The following ADAM17 variants were observed in gnomAD, a reference collection of about 807,000 sequenced individuals.
The protein encoded by ADAM17 is ADAM metallopeptidase domain 17.
ADAM17 carries 39 observed loss-of-function variants against 96.7 expected under a neutral mutation model. That is an observed-to-expected ratio of 0.40 (90% CI 0.31 to 0.53). The LOEUF is 0.53. Among genes scored for constraint, ADAM17 ranks in the 20% least tolerant of loss-of-function variants. The probability of loss-of-function intolerance (pLI) is 0.44; values close to 1 mark genes in which losing one functional copy is unlikely to be tolerated. For missense variants in ADAM17, 777 were observed against 1,013.2 expected, an observed-to-expected ratio of 0.77 and a Z score of 3.17; for synonymous variants, 344 against 359.2, an observed-to-expected ratio of 0.96 and a Z score of 0.48.
At chr2:9,514,541 AT>A (rs1663943648) in intron 10 of ADAM17, among the ~76,000 whole-genome samples, 3 of 35,498 alleles carry the variant, frequency 8.5e-5, no homozygotes, top group East Asian at 4.0e-4. Flanking sequence ...ATATATATAT[AT>A]ATATATATAT....
At chr2:9,505,432 G>A (rs1349228417) in intron 11 of ADAM17, 67 bp from the exon 12 acceptor site, 1 of 1,487,988 alleles carries the variant, frequency 6.7e-7, no homozygotes, top group Admixed American at 1.7e-5. Flanking sequence ...TGCAATGTTT[G>A]TGTCTTCTCT....
intron 10 of ADAM17, 54 bp from the exon 11 acceptor site, chr2:9,510,185 T>G: frequency 6.3e-7 from 1 of 1,596,542 alleles, no homozygotes; most frequent in Non-Finnish European, 8.6e-7. Context: ...CATCACCTAC[T>G]TCTGCCAGTT....
intron 4 of ADAM17, among the ~76,000 whole-genome samples, chr2:9,535,079 G>A (rs1664907051): frequency 6.6e-6 from 1 of 152,168 alleles, no homozygotes; most frequent in Admixed American, 6.5e-5. Context: ...CAGTCATGTA[G>A]ATTGGATATA....
In ADAM17 at chr2:9,492,562, C is replaced by T. The variant is rs1446394788; in HGVS notation, c.2082+336G>A. Among the ~76,000 whole-genome samples the T allele has an allele frequency of 3.9e-5, 6 of 152,280 alleles. No individual in the cohort carries two copies. In the South Asian group the frequency reaches 6.2e-4, roughly 16 times the overall value. ...CCGATGTTTGATATTTGCTCTATTG[C>T]AACGAAGTCAGCCTGAAAATGCTCT... On this transcript the variant is annotated intron_variant, in intron 17 of 18. Coordinates refer to ENST00000310823, the MANE Select transcript of ADAM17 (RefSeq NM_003183.6).
intron 2 of ADAM17, among the ~76,000 whole-genome samples, 174 bp from the exon 3 acceptor site, chr2:9,537,002 G>C (rs1166507231): frequency 6.6e-6 from 1 of 152,054 alleles, no homozygotes; most frequent in African/African-American, 2.4e-5. Flanking sequence ...AACGACAAAT[G>C]AACTAATTTA....
intron 2 of ADAM17, among the ~76,000 whole-genome samples, chr2:9,539,772 G>A (rs1665129724): frequency 6.6e-6 from 1 of 152,132 alleles, no homozygotes; most frequent in Non-Finnish European, 1.5e-5. Context: ...TTTGGAGTCT[G>A]ACAAACTTGG....
At chr2:9,531,175 C>T (rs1178886579) in intron 4 of ADAM17, among the ~76,000 whole-genome samples, 3 of 151,890 alleles carry the variant, frequency 2.0e-5, no homozygotes, top group African/African-American at 7.2e-5. Context: ...CCAGGCTGGC[C>T]TCGAACTCCT....
In ADAM17 at chr2:9,503,091, G is replaced by A. The variant is rs573666447; in HGVS notation, c.1545-815C>T. On this transcript the variant is annotated intron_variant, in intron 12 of 18. Transcript: ENST00000310823. Reference sequence around the variant, plus strand: ...GAAGGCAGAGGTTGCGGTGAGCCAAGATCGCGCCACTGCACTCCAGCCTGG... The same window carrying A: ...GAAGGCAGAGGTTGCGGTGAGCCAAAATCGCGCCACTGCACTCCAGCCTGG... 9.9e-5 allele frequency among the ~76,000 whole-genome samples: 14 copies of A among 141,914 alleles called. No individual in the cohort carries two copies. In the East Asian group the frequency reaches 2.7e-3, roughly 28 times the overall value. The allele number at this position is 141,914 out of a possible 152,430, so 93.1% of individuals were successfully genotyped here. A position where few individuals can be genotyped will look rare whatever the true frequency, so the allele number is the denominator to read the frequency against.
chr2:9,519,431 A>T (rs1039637100), intron 8 of ADAM17, among the ~76,000 whole-genome samples: 1 of 152,208 alleles, frequency 6.6e-6, no homozygotes, highest in Non-Finnish European at 1.5e-5. Flanking sequence ...AGAAAAGCAG[A>T]CAGGCGCAGT....
chr2:9,527,463 A>G (rs16867047), intron 5 of ADAM17: 3,290 of 169,260 alleles, frequency 0.019, 148 homozygotes, highest in African/African-American at 0.074. Context: ...ATTTCTTATA[A>G]ACTCTAAAGA....
At chr2:9,524,330 C>A (rs1664434302) in intron 6 of ADAM17, among the ~76,000 whole-genome samples, 1 of 151,970 alleles carries the variant, frequency 6.6e-6, no homozygotes, top group South Asian at 2.1e-4. Context: ...TCCATCTCTA[C>A]TAAAAATCAA....
At chr2:9,529,267 T>C (rs977057343) in intron 4 of ADAM17, among the ~76,000 whole-genome samples, 4 of 151,758 alleles carry the variant, frequency 2.6e-5, no homozygotes, top group African/African-American at 7.3e-5. Flanking sequence ...CTGGCCAACA[T>C]AGTGAAACCC....
In ADAM17 at chr2:9,551,257, G is replaced by T. The variant is rs55755872; in HGVS notation, c.97+4252C>A. ...CAACAAAGAAAAAAAAAAAAGGAAG[G>T]GGGGGAACGGAGAGATGCCCATTTC... On this transcript the variant is annotated intron_variant, in intron 1 of 18. Coordinates refer to ENST00000310823, the MANE Select transcript of ADAM17 (RefSeq NM_003183.6). Among the ~76,000 whole-genome samples the T allele has an allele frequency of 2.0e-4, 30 of 151,650 alleles. No homozygotes were observed. The East Asian group carries it at 4.3e-3, about 22-fold the overall frequency.
intron 4 of ADAM17, among the ~76,000 whole-genome samples, chr2:9,531,424 G>A (rs1462108447): frequency 6.6e-6 from 1 of 152,022 alleles, no homozygotes; most frequent in Non-Finnish European, 1.5e-5. Context: ...AAATTAGGCC[G>A]GATGCAGTGG....
At chr2:9,499,626 T>C (rs1406768100) in intron 13 of ADAM17, among the ~76,000 whole-genome samples, 1 of 152,098 alleles carries the variant, frequency 6.6e-6, no homozygotes, top group Non-Finnish European at 1.5e-5. Context: ...ATGGTCTCGA[T>C]CTCCTGATCT....
rs371564032 is a variant in ADAM17, at chr2:9,551,844, G to A, written c.97+3665C>T. Among the ~76,000 whole-genome samples the A allele has an allele frequency of 4.6e-5, 7 of 151,918 alleles. No homozygotes were observed. In the South Asian group the frequency reaches 8.3e-4, roughly 18 times the overall value. On this transcript the variant is annotated intron_variant, in intron 1 of 18. Coordinates refer to ENST00000310823, the MANE Select transcript of ADAM17 (RefSeq NM_003183.6). ...TCGAAAGCAAAGGTGTCACTGTCTC[G>A]GCCACCCACATAAATAATCTGTGGT...
intron 12 of ADAM17, among the ~76,000 whole-genome samples, chr2:9,502,879 CAAAAAAAAAA>C (rs758081961): frequency 2.3e-5 from 1 of 43,594 alleles, no homozygotes; most frequent in Non-Finnish European, 4.0e-5. Context: ...AATTCTGTCT[CAAAAAAAAAA>C]AAAAAAAAAA....
intron 2 of ADAM17, 128 bp downstream of exon 2, chr2:9,543,025 T>C: frequency 1.6e-6 from 2 of 1,234,822 alleles, no homozygotes; most frequent in South Asian, 3.4e-5. Flanking sequence ...ATAAGCATTA[T>C]ACTGGAAATT....
At chr2:9,551,584 C>A (rs1004366202) in intron 1 of ADAM17, among the ~76,000 whole-genome samples, 2 of 152,022 alleles carry the variant, frequency 1.3e-5, no homozygotes, top group East Asian at 1.9e-4. Flanking sequence ...CTCAGCCTCC[C>A]GAGTAGCTGG....
Sources: allele counts gnomAD v4.1 joint callset (sites outside exome capture counted in the v4.1 genomes callset), GRCh38; gene constraint gnomAD v4.1.1; transcripts MANE v1.5; gene names NCBI Gene and HGNC (gene_info 2026-07-23, HGNC 2026-07-21).